Variants in MYH15 observed in about 807,000 individuals in gnomAD.
The protein encoded by MYH15 is myosin heavy chain 15.
A neutral mutation model predicts 240.5 loss-of-function variants in MYH15; 227 were observed. The ratio of observed to expected loss-of-function variants is 0.94; its 90% CI spans 0.85 to 1.05. The LOEUF (loss-of-function observed/expected upper bound fraction) is 1.05. Ranked by LOEUF, MYH15 falls within the 50% of genes least tolerant of loss-of-function variation. The probability of loss-of-function intolerance (pLI) is 0.00; values close to 1 mark genes in which losing one functional copy is unlikely to be tolerated. For synonymous variants in MYH15, 785 were observed against 796.7 expected, an observed-to-expected ratio of 0.99 and a Z score of 0.25; for missense variants, 2,217 against 2,247.5, an observed-to-expected ratio of 0.99 and a Z score of 0.27.
the MYH15 span, among the ~76,000 whole-genome samples, chr3:108,539,339 G>T: frequency 6.6e-6 from 1 of 152,162 alleles, no homozygotes; most frequent in African/African-American, 2.4e-5. Context: ...AGGAGGGAAT[G>T]ATAGAGGTTT....
In MYH15 at chr3:108,394,115, A is replaced by G; in HGVS notation, c.5175T>C (p.Asp1725=). The part of the protein sequence containing the change: ...LLSQKKKLEA[D]VARMQKEAEE... ...CAGCTTCTTTCTGCATCCGGGCAAC[A>G]TCAGCCTCCAGTTTCTTCTTCTGGC... Residue 1725 remains aspartate, a synonymous_variant, in exon 36 of 41, where the codon GAT becomes GAC. Coordinates refer to ENST00000693548, the MANE Select transcript of MYH15 (RefSeq NM_014981.3). 1 of 1,614,082 alleles carries G rather than the reference A, an allele frequency of 6.2e-7. No individual in the cohort carries two copies. The highest frequency in any genetic ancestry group is 8.5e-7 in the Non-Finnish European group (1 of 1,179,960).
chr3:108,397,527 T>C (rs1371229923), intron 35 of MYH15, among the ~76,000 whole-genome samples: 1 of 152,218 alleles, frequency 6.6e-6, no homozygotes, highest in African/African-American at 2.4e-5. Context: ...TTCATTTTTT[T>C]AGGACAGTGG....
At chr3:108,535,799 C>G in the MYH15 span, among the ~76,000 whole-genome samples, 2 of 152,032 alleles carry the variant, frequency 1.3e-5, no homozygotes, top group African/African-American at 4.8e-5. Flanking sequence ...AAACAGGCCA[C>G]CCCCCAAAAG....
At chr3:108,523,086 T>C (rs901265923) in intron 1 of MYH15, among the ~76,000 whole-genome samples, 1 of 152,106 alleles carries the variant, frequency 6.6e-6, no homozygotes, top group Non-Finnish European at 1.5e-5. Flanking sequence ...TAAGATCATA[T>C]GCTTCTGAGA....
chr3:108,398,796 A>G lies in MYH15; in HGVS notation c.4974T>C (p.Asp1658=), dbSNP rs1330326581. The G allele has an allele frequency of 1.2e-6, 2 of 1,614,086 alleles. No individual in the cohort carries two copies. Among genetic ancestry groups the G allele is most frequent in the Non-Finnish European group, 1.7e-6 (2 of 1,180,054 alleles). ...QLDDSTQLNS[D]LKEQVAVAER... ...CAGCCACAGCCACCTGCTCCTTCAG[A>G]TCACTGTTCAGTTGTGTGCTGTCAT... Residue 1658 remains aspartate (D), a synonymous_variant, in exon 35 of 41, where the codon GAT becomes GAC. Coordinates refer to ENST00000693548, the MANE Select transcript of MYH15 (RefSeq NM_014981.3).
At chr3:108,481,869 G>A (rs992732413) in intron 11 of MYH15, among the ~76,000 whole-genome samples, 17 of 152,190 alleles carry the variant, frequency 1.1e-4, no homozygotes, top group Non-Finnish European at 1.5e-4. Context: ...AGCTGTGACA[G>A]GAACGTGGGG....
chr3:108,388,949 G>A (rs767562737), intron 38 of MYH15, 21 bp downstream of exon 38: 2 of 1,607,602 alleles, frequency 1.2e-6, no homozygotes, highest in Non-Finnish European at 1.7e-6. Flanking sequence ...CAGACAAACA[G>A]GGAATGGTTT....
intron 36 of MYH15, among the ~76,000 whole-genome samples, chr3:108,392,338 C>A (rs993128941): frequency 7.2e-5 from 11 of 152,194 alleles, no homozygotes; most frequent in African/African-American, 2.7e-4. Flanking sequence ...CTACAAAAAT[C>A]TTTTCACATC....
At chr3:108,470,011 GA>G (rs2083157521) in intron 14 of MYH15, 30 bp downstream of exon 14, 1 of 1,582,936 alleles carries the variant, frequency 6.3e-7, no homozygotes, top group Non-Finnish European at 8.6e-7. Context: ...CTCCCGAAAT[GA>G]AAATGGACAA....
chr3:108,441,364 G>T lies in MYH15; in HGVS notation c.2656-104C>A, dbSNP rs1484657579. 3 of 1,316,344 alleles carry T rather than the reference G, an allele frequency of 2.3e-6. No individual in the cohort carries two copies. The African/African-American group carries it at 4.4e-5, about 19-fold the overall frequency. 81.5% of individuals were successfully genotyped at this position (1,316,344 alleles called of 1,614,324 possible). A position where few individuals can be genotyped will look rare whatever the true frequency, so the allele number is the denominator to read the frequency against. ...GCAAAGAGATAATTGCCTGCCCTCT[G>T]CCCAGCACTTTCACCTACCTTTCCT... On this transcript the variant is annotated intron_variant, in intron 22 of 40. Coordinates refer to ENST00000693548, the MANE Select transcript of MYH15 (RefSeq NM_014981.3).
intron 22 of MYH15, 65 bp from the exon 23 acceptor site, chr3:108,441,325 C>T: frequency 6.4e-7 from 1 of 1,567,506 alleles, no homozygotes; most frequent in Non-Finnish European, 8.7e-7. Flanking sequence ...GGCGAAAATG[C>T]TGCTTAACAC....
At chr3:108,511,204 A>C (rs569449783), upstream of MYH15, among the ~76,000 whole-genome samples, 1 of 152,274 alleles carries the variant, frequency 6.6e-6, no homozygotes, top group South Asian at 2.1e-4. Context: ...GAAGTGATTC[A>C]GATAAATGTT....
chr3:108,441,160 T>A lies in MYH15; in HGVS notation c.2756A>T (p.Glu919Val), dbSNP rs987276966. 12 of 1,614,034 alleles carry A rather than the reference T, an allele frequency of 7.4e-6. No homozygotes were observed. Among genetic ancestry groups the A allele is most frequent in the Non-Finnish European group, 1.0e-5 (12 of 1,180,008 alleles). The change falls in exon 23 of 41, where the codon GAG becomes GTG. Residue 919 changes from glutamate (E) to valine (V), a missense_variant. Coordinates refer to ENST00000693548, the MANE Select transcript of MYH15 (RefSeq NM_014981.3). The part of the protein sequence containing the change: ...ARVKELSERV[E>V]EEEEINSELT... Reference sequence around the variant, plus strand: ...CTCAGAATTTATCTCCTCTTCTTCCTCCACCCTCTCCGACAGCTCCTTTAC... The same window carrying A: ...CTCAGAATTTATCTCCTCTTCTTCCACCACCCTCTCCGACAGCTCCTTTAC...
intron 32 of MYH15, among the ~76,000 whole-genome samples, chr3:108,405,840 T>C (rs1201418513): frequency 6.6e-6 from 1 of 152,218 alleles, no homozygotes; most frequent in African/African-American, 2.4e-5. Flanking sequence ...TGATAACTCC[T>C]ACCTGGAATC....
At position 108,383,664 on chromosome 3, in the gene MYH15, C is replaced by T. The variant is rs750135705; in HGVS notation, c.5697G>A (p.Lys1899=). The T allele has an allele frequency of 9.9e-6, 16 of 1,611,882 alleles. No individual in the cohort carries two copies. Among genetic ancestry groups the T allele is most frequent in the Non-Finnish European group, 1.0e-5 (12 of 1,179,262 alleles). ...GAGATTCTGCCACCTCTGCCCTTTC[C>T]TTCACTTCATTCAACTCATGTTGCT... ...KKQQHELNEV[K]ERAEVAESQV... is the part of the protein sequence containing the mutation. Residue 1899 remains lysine (K), a synonymous_variant, in exon 40 of 41, where the codon AAG becomes AAA. Transcript: ENST00000693548.
At chr3:108,480,920 CA>C (rs771196208) in intron 11 of MYH15, among the ~76,000 whole-genome samples, 2 of 152,110 alleles carry the variant, frequency 1.3e-5, no homozygotes, top group Non-Finnish European at 2.9e-5. Context: ...CCAGCTCCTT[CA>C]AAACCTTCCT....
At position 108,418,408 on chromosome 3, in the gene MYH15, A is replaced by C. The variant is rs1055793124; in HGVS notation, c.3830-1478T>G. On this transcript the variant is annotated intron_variant, in intron 28 of 40. Coordinates refer to ENST00000693548, the MANE Select transcript of MYH15 (RefSeq NM_014981.3). ...GTACATATTAGCGAATACAATTTTTACCAGTATGTTTTAGTGCTACTACCT... is the reference window on the plus strand; with the variant it reads ...GTACATATTAGCGAATACAATTTTTCCCAGTATGTTTTAGTGCTACTACCT... Among the ~76,000 whole-genome samples, 11 of 152,226 alleles carry C rather than the reference A, an allele frequency of 7.2e-5. 1 individual carries two copies. The highest frequency in any genetic ancestry group is 7.2e-4 in the Admixed American group (11 of 15,288).
At chr3:108,435,861 C>CACAT (rs1491566991) in intron 25 of MYH15, among the ~76,000 whole-genome samples, 2 of 149,348 alleles carry the variant, frequency 1.3e-5, no homozygotes, top group East Asian at 4.0e-4. Context: ...CACACACACA[C>CACAT]ATCACATTTT....
chr3:108,450,056 A>G (rs72939889), intron 21 of MYH15, among the ~76,000 whole-genome samples: 270 of 152,234 alleles, frequency 1.8e-3, no homozygotes, highest in African/African-American at 6.2e-3. Flanking sequence ...AAAACAAAAG[A>G]TAAGAGTTGG....
Sources: allele counts gnomAD v4.1 joint callset (sites outside exome capture counted in the v4.1 genomes callset), GRCh38; gene constraint gnomAD v4.1.1; transcripts MANE v1.5; gene names NCBI Gene and HGNC (gene_info 2026-07-23, HGNC 2026-07-21).